Variants in PCDHA10 observed in about 807,000 individuals in gnomAD.
The protein encoded by PCDHA10 is protocadherin alpha-10.
Under a neutral mutation model 61.2 loss-of-function variants are expected in PCDHA10, and 45 were observed. That is an observed-to-expected ratio of 0.74 (90% CI 0.58 to 0.94). The LOEUF is 0.94. Ranked by LOEUF, PCDHA10 falls within the 40% of genes least tolerant of loss-of-function variation. PCDHA10 has a pLI of 0.00. For missense variants in PCDHA10, 1,278 were observed against 1,236.2 expected (o/e 1.03, Z -0.51); for synonymous variants, 602 against 548.8 (o/e 1.10, Z -1.35).
intron 1 of PCDHA10, among the ~76,000 whole-genome samples, chr5:140,925,799 C>G (rs1200619545): frequency 6.6e-6 from 1 of 151,996 alleles, no homozygotes; most frequent in Non-Finnish European, 1.5e-5. Flanking sequence ...CAGTACTTTC[C>G]CCTCCACTTC....
At chr5:140,860,395 G>C (rs1369632482) in intron 1 of PCDHA10, 2 of 151,922 alleles carry the variant, frequency 1.3e-5, no homozygotes, top group African/African-American at 4.8e-5. Context: ...ATTGAAAAAA[G>C]CAAAAGCAAT....
At chr5:140,891,402 C>T (rs2153434100) in intron 1 of PCDHA10, among the ~76,000 whole-genome samples, 1 of 151,650 alleles carries the variant, frequency 6.6e-6, no homozygotes, top group East Asian at 1.9e-4. Context: ...TATCCCTCGC[C>T]ACCCCCCACT....
intron 3 of PCDHA10, among the ~76,000 whole-genome samples, chr5:140,997,511 G>T (rs565737825): frequency 6.6e-6 from 1 of 151,992 alleles, no homozygotes; most frequent in Non-Finnish European, 1.5e-5. Flanking sequence ...ATACCTAAAC[G>T]CAGAAAAAGT....
intron 1 of PCDHA10, among the ~76,000 whole-genome samples, chr5:140,911,931 T>C (rs1057514341): frequency 1.8e-4 from 28 of 152,134 alleles, no homozygotes; most frequent in African/African-American, 6.8e-4. Context: ...ACTAATAGGA[T>C]AGATGTATAT....
Position 140,856,497 on chromosome 5 carries a change from G to GA in PCDHA10, c.450dup (p.Phe151IlefsTer8), listed in dbSNP as rs781946866. On this transcript the variant is annotated frameshift_variant, in exon 1 of 4. Coordinates refer to ENST00000307360, the MANE Select transcript of PCDHA10 (RefSeq NM_018901.4). LOFTEE classifies it high-confidence loss of function. ...CCTGAATCCAGACTGCTTGACTCTCGATTTCCACTAGAAGGCGCATCTGAT... is the reference window on the plus strand; with the variant it reads ...CCTGAATCCAGACTGCTTGACTCTCGAATTTCCACTAGAAGGCGCATCTGAT... The GA allele has an allele frequency of 6.3e-7, 1 of 1,598,346 alleles. No individual in the cohort carries two copies. Among genetic ancestry groups the GA allele is most frequent in the Admixed American group, 1.7e-5 (1 of 59,216 alleles).
intron 1 of PCDHA10, among the ~76,000 whole-genome samples, chr5:140,886,628 C>T (rs1305924545): frequency 6.6e-6 from 1 of 151,764 alleles, no homozygotes; most frequent in African/African-American, 2.4e-5. Context: ...GAGTCCGAGA[C>T]CAGCCTGGCC....
At chr5:140,929,228 A>G in intron 1 of PCDHA10, 1 of 1,613,898 alleles carries the variant, frequency 6.2e-7, no homozygotes, top group Non-Finnish European at 8.5e-7. Flanking sequence ...AATGCTGCCG[A>G]CCTGCGAAAT....
At chr5:140,882,567 C>T (rs1554174625) in intron 1 of PCDHA10, 12 of 1,614,092 alleles carry the variant, frequency 7.4e-6, no homozygotes, top group East Asian at 2.2e-5. Context: ...GGGCGGAGCG[C>T]GGAGTGCAGC....
intron 1 of PCDHA10, chr5:140,969,343 G>C: frequency 1.2e-6 from 2 of 1,613,728 alleles, no homozygotes; most frequent in Non-Finnish European, 1.7e-6. Flanking sequence ...TGAGACAGTG[G>C]TCAGGGGGTC....
chr5:140,871,582 GT>G, intron 1 of PCDHA10: 2 of 1,468,826 alleles, frequency 1.4e-6, no homozygotes, highest in Non-Finnish European at 1.8e-6. Flanking sequence ...TTAAGGGAAA[GT>G]TTTATGAATA....
At position 141,010,449 on chromosome 5, in the gene PCDHA10, C is replaced by T. The variant is rs764975082; in HGVS notation, c.*512C>T. ...CAAGAAAACAAAGACAAATAAACAG[C>T]GGAAGTTATCAGTATGGAGGGGAAG... On this transcript the variant is annotated 3_prime_UTR_variant, in exon 4 of 4. Coordinates refer to ENST00000307360, the MANE Select transcript of PCDHA10 (RefSeq NM_018901.4). 14 of 915,348 alleles carry T rather than the reference C, an allele frequency of 1.5e-5. No homozygotes were observed. Among genetic ancestry groups the T allele is most frequent in the Non-Finnish European group, 2.1e-5 (13 of 631,774 alleles). 56.7% of individuals were successfully genotyped at this position (915,348 alleles called of 1,614,324 possible).
intron 1 of PCDHA10, chr5:140,875,784 C>T (rs782115108): frequency 3.7e-5 from 60 of 1,614,200 alleles, no homozygotes; most frequent in Non-Finnish European, 5.0e-5. Flanking sequence ...AGTGCAGTAT[C>T]CACCTGGAGG....
In PCDHA10 at chr5:140,912,343, A is replaced by T. The variant is rs547543923; in HGVS notation, c.2388+53907A>T. Among the ~76,000 whole-genome samples, 324 of 143,902 alleles carry T rather than the reference A, an allele frequency of 2.3e-3. 1 individual carries two copies. The highest frequency in any genetic ancestry group is 7.8e-3 in the African/African-American group (308 of 39,358). 94.4% of individuals were successfully genotyped at this position (143,902 alleles called of 152,430 possible). A position where few individuals can be genotyped will look rare whatever the true frequency, so the allele number is the denominator to read the frequency against. On this transcript the variant is annotated intron_variant, in intron 1 of 3. Transcript: ENST00000307360. ...CTCAGTATTAACCAGTACACTAAGT[A>T]TTTTTTTTTTTTTTTGCAGCTGTTG... is the stretch of plus-strand genomic sequence containing the variant.
At chr5:140,926,650 T>G (rs1014447499) in intron 1 of PCDHA10, 13 of 487,778 alleles carry the variant, frequency 2.7e-5, no homozygotes, top group Middle Eastern at 5.5e-4. Flanking sequence ...CCCGGCCGGC[T>G]CCGCTTTCCC....
chr5:140,937,213 A>AT (rs1339770312), intron 1 of PCDHA10, among the ~76,000 whole-genome samples: 2 of 151,454 alleles, frequency 1.3e-5, no homozygotes, highest in Admixed American at 1.3e-4. Flanking sequence ...AATTTTTTGT[A>AT]TTTTTTGTAG....
intron 3 of PCDHA10, among the ~76,000 whole-genome samples, chr5:141,002,815 T>G (rs1554258803): frequency 6.6e-6 from 1 of 152,176 alleles, no homozygotes; most frequent in African/African-American, 2.4e-5. Flanking sequence ...GGCTCAGAGA[T>G]ATTTATGTAA....
chr5:140,877,247 C>T (rs782249614), intron 1 of PCDHA10: 1 of 1,613,680 alleles, frequency 6.2e-7, no homozygotes, highest in African/African-American at 1.3e-5. Context: ...CACGTGGTGG[C>T]GAAAGTGCGC....
chr5:140,910,972 G>T (rs533796834), intron 1 of PCDHA10, among the ~76,000 whole-genome samples: 1 of 152,124 alleles, frequency 6.6e-6, no homozygotes, highest in African/African-American at 2.4e-5. Flanking sequence ...CCTCCTCATG[G>T]GTTATACTCT....
chr5:140,856,904 C>A lies in PCDHA10; in HGVS notation c.856C>A (p.Pro286Thr). 1.3e-6 allele frequency: 2 copies of A among 1,596,242 alleles called. No homozygotes were observed. The highest frequency in any genetic ancestry group is 1.7e-6 in the Non-Finnish European group (2 of 1,166,176). The change falls in exon 1 of 4, where the codon CCC becomes ACC. Residue 286 changes from proline to threonine, a missense_variant. Physicochemically the swap from Pro to Thr is conservative, Grantham distance 38. Coordinates refer to ENST00000307360, the MANE Select transcript of PCDHA10 (RefSeq NM_018901.4). ...GTATTCATTTAGCTCTTTGGTCCCA[C>A]CCACGATAAGAAGGAAATTTTGGAT... ...MMYSFSSLVP[P>T]TIRRKFWINE...
Sources: allele counts gnomAD v4.1 joint callset (sites outside exome capture counted in the v4.1 genomes callset), GRCh38; gene constraint gnomAD v4.1.1; transcripts MANE v1.5; gene names NCBI Gene and HGNC (gene_info 2026-07-23, HGNC 2026-07-21).